HSPB8: variants seen among roughly 807,000 people sequenced by gnomAD.
HSPB8 encodes heat shock protein beta-8.
Under a neutral mutation model 16.5 loss-of-function variants are expected in HSPB8, and 9 were observed. The ratio of observed to expected loss-of-function variants is 0.55; its 90% CI spans 0.33 to 0.95. HSPB8 has a LOEUF of 0.95. Ranked by LOEUF, HSPB8 falls within the 40% of genes least tolerant of loss-of-function variation. The pLI, the probability that HSPB8 is intolerant of heterozygous loss-of-function variation, is 0.03. For missense variants in HSPB8, 238 were observed against 251.2 expected (o/e 0.95, Z 0.35); for synonymous variants, 99 against 94.8 (o/e 1.04, Z -0.26).
intron 2 of HSPB8, among the ~76,000 whole-genome samples, chr12:119,188,654 C>T (rs1346622214): frequency 6.6e-6 from 1 of 152,160 alleles, no homozygotes; most frequent in African/African-American, 2.4e-5. Flanking sequence ...AAGTCTCCCA[C>T]AGGTGAAAGG....
chr12:119,179,651 G>A lies in HSPB8; in HGVS notation c.339G>A (p.Lys113=). The part of the protein sequence containing the change: ...HSFKPEELMV[K]TKDGYVEVSG... ...TCAAGCCAGAGGAGTTGATGGTGAAGACCAAAGATGGATACGTGGAGGTGT... is the reference window on the plus strand; with the variant it reads ...TCAAGCCAGAGGAGTTGATGGTGAAAACCAAAGATGGATACGTGGAGGTGT... The change falls in exon 1 of 3, where the codon AAG becomes AAA. Residue 113 remains lysine, a synonymous_variant. Coordinates refer to ENST00000281938, the MANE Select transcript of HSPB8 (RefSeq NM_014365.3). 1 of 1,588,222 alleles carries A rather than the reference G, an allele frequency of 6.3e-7. No homozygotes were observed. The highest frequency in any genetic ancestry group is 1.2e-5 in the South Asian group (1 of 86,268).
Position 119,179,687 on chromosome 12 carries a change from A to C in HSPB8, c.367+8A>C, listed in dbSNP as rs954016222. On this transcript the variant is annotated splice_region_variant and intron_variant, in intron 1 of 2. Coordinates refer to ENST00000281938, the MANE Select transcript of HSPB8 (RefSeq NM_014365.3). ...GATACGTGGAGGTGTCTGGTAAGTC[A>C]GGGGCAGGAGGGAGAGAGAATGGGG... 3.8e-6 allele frequency: 6 copies of C among 1,563,964 alleles called. No individual in the cohort carries two copies. Among genetic ancestry groups the C allele is most frequent in the Middle Eastern group, 1.7e-4 (1 of 5,808 alleles).
At position 119,179,618 on chromosome 12, in the gene HSPB8, G is replaced by A. The variant is rs1359677294; in HGVS notation, c.306G>A (p.Val102=). Residue 102 remains valine, a synonymous_variant, in exon 1 of 3, where the codon GTG becomes GTA. Coordinates refer to ENST00000281938, the MANE Select transcript of HSPB8 (RefSeq NM_014365.3). Reference sequence around the variant, plus strand: ...AGCCCTGGAAAGTGTGTGTGAATGTGCACAGCTTCAAGCCAGAGGAGTTGA... The same window carrying A: ...AGCCCTGGAAAGTGTGTGTGAATGTACACAGCTTCAAGCCAGAGGAGTTGA... ...PGEPWKVCVN[V]HSFKPEELMV... The A allele has an allele frequency of 6.2e-7, 1 of 1,603,834 alleles. No homozygotes were observed. Among genetic ancestry groups the A allele is most frequent in the Non-Finnish European group, 8.5e-7 (1 of 1,174,660 alleles).
intron 1 of HSPB8, among the ~76,000 whole-genome samples, chr12:119,185,453 C>T (rs4767791): frequency 0.037 from 5,667 of 152,218 alleles, 202 homozygotes; most frequent in East Asian, 0.13. Context: ...CCTGCCTCAG[C>T]CTCCCAAGTA....
chr12:119,189,423 G>A (rs1954698227), intron 2 of HSPB8, among the ~76,000 whole-genome samples: 1 of 151,762 alleles, frequency 6.6e-6, no homozygotes, highest in Admixed American at 6.6e-5. Context: ...GCTCCAGGCT[G>A]GTGCTCAGCT....
chr12:119,193,583 C>T, intron 2 of HSPB8, 116 bp from the exon 3 acceptor site: 4 of 1,120,426 alleles, frequency 3.6e-6, no homozygotes, highest in Non-Finnish European at 5.3e-6. Flanking sequence ...TCAAACCCAA[C>T]ATTGTATGTC....
chr12:119,189,235 G>A (rs1025196408), intron 2 of HSPB8, among the ~76,000 whole-genome samples: 1 of 151,968 alleles, frequency 6.6e-6, no homozygotes, highest in African/African-American at 2.4e-5. Context: ...TCAGGGTGGA[G>A]TCACAAGCAG....
chr12:119,193,674 G>T (rs1954725793), intron 2 of HSPB8, 25 bp from the exon 3 acceptor site: 1 of 1,611,932 alleles, frequency 6.2e-7, no homozygotes, highest in Admixed American at 1.7e-5. Flanking sequence ...AACAATAAAT[G>T]AATAAAATCG....
At chr12:119,189,633 T>A (rs1415936150) in intron 2 of HSPB8, among the ~76,000 whole-genome samples, 1 of 152,062 alleles carries the variant, frequency 6.6e-6, no homozygotes, top group Non-Finnish European at 1.5e-5. Context: ...CAAGCTCCTA[T>A]GAGAATCTAA....
intron 2 of HSPB8, among the ~76,000 whole-genome samples, chr12:119,188,453 G>A (rs1954691009): frequency 6.6e-6 from 1 of 151,702 alleles, no homozygotes; most frequent in Non-Finnish European, 1.5e-5. Flanking sequence ...CACCATGTTT[G>A]GCCAGCCTGG....
In HSPB8 at chr12:119,191,281, C is replaced by T. The variant is rs75503113; in HGVS notation, c.432-2418C>T. ...CAGGAAGAGTCAGAATTTGAATGCA[C>T]GTCAGCCTGCCTGCAAAACCCATGC... On this transcript the variant is annotated intron_variant, in intron 2 of 2. Transcript: ENST00000281938. Among the ~76,000 whole-genome samples, 147 of 152,260 alleles carry T rather than the reference C, an allele frequency of 9.7e-4. 2 individuals carry two copies. In the East Asian group the frequency reaches 0.025, roughly 26 times the overall value.
intron 2 of HSPB8, among the ~76,000 whole-genome samples, chr12:119,190,914 C>T (rs1041547866): frequency 6.6e-6 from 1 of 152,214 alleles, no homozygotes; most frequent in African/African-American, 2.4e-5. Flanking sequence ...TGAAAGAGAA[C>T]TGAAGAGGAA....
Position 119,193,882 on chromosome 12 carries a change from G to A in HSPB8, c.*24G>A, listed in dbSNP as rs750032663. 1.9e-6 allele frequency: 3 copies of A among 1,613,292 alleles called. No homozygotes were observed. Among genetic ancestry groups the A allele is most frequent in the Admixed American group, 3.3e-5 (2 of 60,018 alleles). On this transcript the variant is annotated 3_prime_UTR_variant, in exon 3 of 3. Transcript: ENST00000281938. ...GAGATGCCAGTACTGGCCCATCCTTGTTTTGTCCCCAACCCTAGGGCTTCT... is the reference window on the plus strand; with the variant it reads ...GAGATGCCAGTACTGGCCCATCCTTATTTTGTCCCCAACCCTAGGGCTTCT...
chr12:119,187,165 C>G (rs1954682066), intron 2 of HSPB8, 77 bp downstream of exon 2: 1 of 1,189,924 alleles, frequency 8.4e-7, no homozygotes, highest in Non-Finnish European at 1.3e-6. Context: ...TCTGGGGTCT[C>G]TCCCTCTTGG....
In HSPB8 at chr12:119,193,723, G is replaced by A. The variant is rs560749734; in HGVS notation, c.456G>A (p.Val152=). The A allele has an allele frequency of 4.3e-6, 7 of 1,614,216 alleles. No individual in the cohort carries two copies. The East Asian group carries it at 1.3e-4, about 31-fold the overall frequency. The change falls in exon 3 of 3, where the codon GTG becomes GTA. Residue 152 remains valine, a synonymous_variant. Transcript: ENST00000281938. The stretch of plus-strand genomic sequence containing the variant: ...GGCTTCCTGCAGAGGTGGATCCTGT[G>A]ACAGTATTTGCCTCACTTTCCCCAG... ...KIQLPAEVDP[V]TVFASLSPEG...
intron 2 of HSPB8, among the ~76,000 whole-genome samples, chr12:119,191,602 A>G (rs1270666016): frequency 6.6e-6 from 1 of 151,210 alleles, no homozygotes; most frequent in Non-Finnish European, 1.5e-5. Flanking sequence ...AAAGAAAGAA[A>G]AAAAAAAAAC....
intron 1 of HSPB8, among the ~76,000 whole-genome samples, chr12:119,179,902 G>C (rs1037080661): frequency 6.6e-6 from 1 of 152,122 alleles, no homozygotes; most frequent in Non-Finnish European, 1.5e-5. Context: ...GGGGCCTCTG[G>C]GTGCTCATCA....
In HSPB8 at chr12:119,193,686, G is replaced by A. The variant is rs781488732; in HGVS notation, c.432-13G>A. On this transcript the variant is annotated splice_polypyrimidine_tract_variant and intron_variant, in intron 2 of 2. Transcript: ENST00000281938. ...AACAACAATAAATGAATAAAATCGT[G>A]TGTTTCTCCTAGGCTTCCTGCAGAG... 1.7e-5 allele frequency: 27 copies of A among 1,613,598 alleles called. No individual in the cohort carries two copies. The highest frequency in any genetic ancestry group is 2.2e-5 in the East Asian group (1 of 44,886).
chr12:119,187,702 A>T (rs933801117), intron 2 of HSPB8, among the ~76,000 whole-genome samples: 1 of 152,146 alleles, frequency 6.6e-6, no homozygotes, highest in African/African-American at 2.4e-5. Flanking sequence ...TAAGCAAGAC[A>T]ATGACTTGTC....
Sources: allele counts gnomAD v4.1 joint callset (sites outside exome capture counted in the v4.1 genomes callset), GRCh38; gene constraint gnomAD v4.1.1; transcripts MANE v1.5; gene names NCBI Gene and HGNC (gene_info 2026-07-23, HGNC 2026-07-21).